VPS54: variants seen among roughly 807,000 people sequenced by gnomAD.
VPS54 encodes vacuolar protein sorting-associated protein 54.
In VPS54, 45 loss-of-function variants were observed where a neutral mutation model predicts 121.5. The observed-to-expected ratio is 0.37, with a 90% CI of 0.29 to 0.47. The LOEUF is 0.47. Among genes scored for constraint, VPS54 ranks in the 20% least tolerant of loss-of-function variants. VPS54 has a pLI of 0.99. For synonymous variants in VPS54, 371 were observed against 385.8 expected, an observed-to-expected ratio of 0.96 and a Z score of 0.45; for missense variants, 1,090 against 1,131.4, an observed-to-expected ratio of 0.96 and a Z score of 0.52.
intron 1 of VPS54, among the ~76,000 whole-genome samples, chr2:64,001,321 G>A (rs1444311804): frequency 6.6e-6 from 1 of 152,150 alleles, no homozygotes; most frequent in Non-Finnish European, 1.5e-5. Flanking sequence ...AAGAGCCAAG[G>A]CCTGGAATCA....
At chr2:64,013,661 G>A (rs1259596695) in intron 1 of VPS54, among the ~76,000 whole-genome samples, 1 of 139,788 alleles carries the variant, frequency 7.2e-6, no homozygotes, top group African/African-American at 2.7e-5. Context: ...GATATATATT[G>A]ATATATATAT....
chr2:63,904,315 T>C (rs1672812477), intron 20 of VPS54, among the ~76,000 whole-genome samples: 1 of 151,800 alleles, frequency 6.6e-6, no homozygotes, highest in Non-Finnish European at 1.5e-5. Context: ...GGCAGGCACC[T>C]GTAATCCCAC....
At chr2:63,956,006 A>T (rs1252651541) in intron 7 of VPS54, among the ~76,000 whole-genome samples, 3 of 152,118 alleles carry the variant, frequency 2.0e-5, no homozygotes, top group African/African-American at 7.2e-5. Context: ...AACTGAAACA[A>T]TCCCAATACT....
chr2:63,962,348 C>T lies in VPS54; in HGVS notation c.720G>A (p.Glu240=). 6.2e-7 allele frequency: 1 copy of T among 1,613,918 alleles called. No individual in the cohort carries two copies. Among genetic ancestry groups the T allele is most frequent in the Non-Finnish European group, 8.5e-7 (1 of 1,179,916 alleles). ...AFFHAMTSQH[E]LQDYLRKTSQ... ...AAGTTTTCCTGAGGTAGTCCTGCAA[C>T]TCGTGTTGAGAGGTCATTGCATGAA... The change falls in exon 7 of 23, where the codon GAG becomes GAA. Residue 240 remains glutamate (E), a synonymous_variant. Coordinates refer to ENST00000272322, the MANE Select transcript of VPS54 (RefSeq NM_016516.3).
rs149023285 is a variant in VPS54 at position 63,906,367 on chromosome 2, C to G, written c.2625+5978G>C. ...TAATATAGAAAAATCCAAGGTGTTT[C>G]AATATATTAGCATTGAATAATTGGA... On this transcript the variant is annotated intron_variant, in intron 20 of 22. Coordinates refer to ENST00000272322, the MANE Select transcript of VPS54 (RefSeq NM_016516.3). Among the ~76,000 whole-genome samples, 132 of 151,818 alleles carry G rather than the reference C, an allele frequency of 8.7e-4. 1 individual carries two copies. In the East Asian group the frequency reaches 0.024, roughly 27 times the overall value.
intron 19 of VPS54, 22 bp from the exon 20 acceptor site, chr2:63,912,447 G>A (rs375996471): frequency 1.2e-6 from 2 of 1,611,294 alleles, no homozygotes; most frequent in Non-Finnish European, 1.7e-6. Context: ...AATGATAATT[G>A]TATTTTTAAG....
At position 63,920,523 on chromosome 2, in the gene VPS54, C is replaced by A. The variant is rs200443385; in HGVS notation, c.1974G>T (p.Thr658=). ...DTEQICGRKS[T]SLLGALQSQA... ...GGCTCTGAAGTGCTCCAAGTAATGA[C>A]GTGCTTTTTCTTCCACAGATCTGTT... The change falls in exon 14 of 23, where the codon ACG becomes ACT. Residue 658 remains threonine, a synonymous_variant. Transcript: ENST00000272322. 1 of 1,590,598 alleles carries A rather than the reference C, an allele frequency of 6.3e-7. No homozygotes were observed. The highest frequency in any genetic ancestry group is 1.8e-5 in the Admixed American group (1 of 56,860).
intron 5 of VPS54, among the ~76,000 whole-genome samples, chr2:63,968,203 G>A (rs929673974): frequency 6.6e-6 from 1 of 152,004 alleles, no homozygotes; most frequent in African/African-American, 2.4e-5. Flanking sequence ...GAAAAAAATG[G>A]ATTATACATC....
At chr2:63,918,202 ACCT>A (rs902701702) in intron 15 of VPS54, among the ~76,000 whole-genome samples, 16 of 152,048 alleles carry the variant, frequency 1.1e-4, no homozygotes, top group Admixed American at 7.9e-4. Flanking sequence ...TGTAAAAGAA[ACCT>A]CCTACCATCA....
intron 11 of VPS54, among the ~76,000 whole-genome samples, chr2:63,938,059 G>GTGTGTGTGTGTGTGTGTGTGTGTGTGT (rs9309357): frequency 7.1e-6 from 1 of 140,384 alleles, no homozygotes; most frequent in African/African-American, 2.8e-5. Flanking sequence ...TGGTGTGTGT[G>GTGTGTGTGTGTGTGTGTGTGTGTGTGT]GTGTGTGTGT....
At chr2:63,934,684 A>C (rs1012371754) in intron 11 of VPS54, among the ~76,000 whole-genome samples, 6 of 149,744 alleles carry the variant, frequency 4.0e-5, no homozygotes, top group African/African-American at 1.3e-4. Context: ...AAAACAAAAA[A>C]CAAAAAAACC....
rs757405773 is a variant in VPS54, at chr2:63,933,812, T to C, written c.1600A>G (p.Thr534Ala). ...GGAGATGCATTTCTTTGAGAGGTAG[T>C]GTCAACTGCTATAGGTGTTAGCTCA... ...EGELTPIAVD[T>A]TSQRNASPNS... The change falls in exon 12 of 23, where the codon ACT becomes GCT. Residue 534 changes from threonine (T) to alanine (A), a missense_variant. Coordinates refer to ENST00000272322, the MANE Select transcript of VPS54 (RefSeq NM_016516.3). 3 of 1,613,910 alleles carry C rather than the reference T, an allele frequency of 1.9e-6. No individual in the cohort carries two copies. The South Asian group carries it at 3.3e-5, about 18-fold the overall frequency.
In VPS54 at chr2:63,933,908, T is replaced by A; in HGVS notation, c.1504A>T (p.Asn502Tyr). 6.2e-7 allele frequency: 1 copy of A among 1,613,800 alleles called. No individual in the cohort carries two copies. ...ISQQKNAAKDNSLDTEVAYLI... is the reference protein window; with the variant it reads ...ISQQKNAAKDYSLDTEVAYLI... ...TAAGCCACCTCTGTGTCCAGTGAAT[T>A]ATCTTTTGCAGCATTCTTCTGTTGT... The change falls in exon 12 of 23, where the codon AAT becomes TAT. Residue 502 changes from asparagine to tyrosine, a missense_variant. By Grantham distance (143) the Asn-to-Tyr change is moderately radical (BLOSUM62 -2). This residue lies in a region of VPS54 where 801 missense variants were observed against 757.0 expected (regional missense o/e 1.06). Transcript: ENST00000272322.
In VPS54 at chr2:63,923,085, G is replaced by A. The variant is rs763657226; in HGVS notation, c.1740-1750C>T. 5.9e-5 allele frequency among the ~76,000 whole-genome samples: 9 copies of A among 152,118 alleles called. No homozygotes were observed. In the East Asian group the frequency reaches 7.7e-4, roughly 13 times the overall value. On this transcript the variant is annotated intron_variant, in intron 12 of 22. Coordinates refer to ENST00000272322, the MANE Select transcript of VPS54 (RefSeq NM_016516.3). Reference sequence around the variant, plus strand: ...TCCCAGCACTTTGGAAGGCCGAGGCGGGCAGATCATGAGGTCAGGAGACCG... The same window carrying A: ...TCCCAGCACTTTGGAAGGCCGAGGCAGGCAGATCATGAGGTCAGGAGACCG...
intron 1 of VPS54, among the ~76,000 whole-genome samples, chr2:64,003,030 T>C (rs1344749744): frequency 6.6e-6 from 1 of 152,118 alleles, no homozygotes. Flanking sequence ...ATACAACAAA[T>C]GTACATGGCA....
At chr2:63,925,060 T>A (rs77670412) in intron 12 of VPS54, among the ~76,000 whole-genome samples, 3 of 152,180 alleles carry the variant, frequency 2.0e-5, no homozygotes, top group Non-Finnish European at 4.4e-5. Context: ...TAATGAATCA[T>A]AGAATTATAT....
intron 2 of VPS54, 48 bp from the exon 3 acceptor site, chr2:63,981,935 CTATGTTTGAAAG>C (rs778884037): frequency 6.4e-7 from 1 of 1,559,874 alleles, no homozygotes; most frequent in Non-Finnish European, 8.7e-7. Flanking sequence ...AAAATTGGTT[CTATGTTTGAAAG>C]TACACACTAG....
At chr2:63,909,726 T>TTTTTGTTTTTTTG (rs1558983935) in intron 20 of VPS54, among the ~76,000 whole-genome samples, 2 of 101,470 alleles carry the variant, frequency 2.0e-5, no homozygotes, top group Non-Finnish European at 4.5e-5. Context: ...CCGTTTTTGG[T>TTTTTGTTTTTTTG]TTTTTTTTTT....
chr2:63,982,372 C>T (rs1405411267), intron 2 of VPS54, among the ~76,000 whole-genome samples: 1 of 152,000 alleles, frequency 6.6e-6, no homozygotes, highest in Non-Finnish European at 1.5e-5. Flanking sequence ...ATTAACCATA[C>T]AAGAAGGAAA....
Sources: allele counts gnomAD v4.1 joint callset (sites outside exome capture counted in the v4.1 genomes callset), GRCh38; gene constraint gnomAD v4.1.1; regional missense constraint gnomAD v4.1.1; transcripts MANE v1.5; gene names NCBI Gene and HGNC (gene_info 2026-07-23, HGNC 2026-07-21).